The following BAZ2B variants were observed in gnomAD, a reference collection of about 807,000 sequenced individuals.
BAZ2B encodes the protein bromodomain adjacent to zinc finger domain 2B.
BAZ2B carries 91 observed loss-of-function variants against 246.0 expected under a neutral mutation model. The observed-to-expected ratio is 0.37, with a 90% confidence interval of 0.31 to 0.44. The LOEUF (loss-of-function observed/expected upper bound fraction) is 0.44. BAZ2B is among the 20% of genes least tolerant of loss of function. The pLI is 1.00. For synonymous variants in BAZ2B, 855 were observed against 860.0 expected (o/e 0.99, Z 0.10); for missense variants, 2,332 against 2,533.7 (o/e 0.92, Z 1.71).
chr2:159,551,559 G>A (rs2088255423), intron 2 of BAZ2B, among the ~76,000 whole-genome samples: 3 of 149,846 alleles, frequency 2.0e-5, no homozygotes, highest in South Asian at 4.2e-4. Flanking sequence ...ATAAAATATA[G>A]CCACTATAAT....
chr2:159,329,136 GAAAA>G (rs567964390), intron 34 of BAZ2B, among the ~76,000 whole-genome samples: 2 of 73,490 alleles, frequency 2.7e-5, no homozygotes. Flanking sequence ...GTCTTAATAG[GAAAA>G]AAAAAAAAAA....
At chr2:159,699,960 T>A in the BAZ2B span, among the ~76,000 whole-genome samples, 1 of 152,160 alleles carries the variant, frequency 6.6e-6, no homozygotes. Context: ...AGGAATGTTG[T>A]CTCTTAACAT....
At chr2:159,362,407 AATGC>A (rs2059809836) in intron 27 of BAZ2B, among the ~76,000 whole-genome samples, 1 of 152,140 alleles carries the variant, frequency 6.6e-6, no homozygotes, top group African/African-American at 2.4e-5. Context: ...TTCTCACACT[AATGC>A]ATACAGGGCA....
chr2:159,648,811 T>A, the BAZ2B span, among the ~76,000 whole-genome samples: 1 of 152,176 alleles, frequency 6.6e-6, no homozygotes, highest in Non-Finnish European at 1.5e-5. Flanking sequence ...ACTTATGTCA[T>A]TACATCTCCT....
At chr2:159,394,322 A>G (rs756099327) in intron 20 of BAZ2B, among the ~76,000 whole-genome samples, 2 of 152,108 alleles carry the variant, frequency 1.3e-5, no homozygotes, top group Non-Finnish European at 2.9e-5. Flanking sequence ...TACTGTTTCC[A>G]TAAGCGAATA....
At chr2:159,706,084 A>AACACAC in the BAZ2B span, among the ~76,000 whole-genome samples, 3 of 149,658 alleles carry the variant, frequency 2.0e-5, no homozygotes, top group Non-Finnish European at 3.0e-5. Context: ...AAACATATAT[A>AACACAC]ACACACACAC....
chr2:159,324,663 CA>C (rs1408388105), intron 36 of BAZ2B, 147 bp downstream of exon 36: 42 of 329,090 alleles, frequency 1.3e-4, no homozygotes, highest in African/African-American at 5.7e-4. Flanking sequence ...CACACACACA[CA>C]CACACACACA....
intron 3 of BAZ2B, chr2:159,459,548 CA>C (rs1355187586): frequency 1.3e-5 from 2 of 152,276 alleles, no homozygotes; most frequent in Admixed American, 6.5e-5. Flanking sequence ...ATTGCCAGGA[CA>C]ATGCCTTTAG....
chr2:159,459,858 G>C (rs1055994411), intron 3 of BAZ2B: 1 of 151,992 alleles, frequency 6.6e-6, no homozygotes, highest in Admixed American at 6.6e-5. Flanking sequence ...AACCTGTCTT[G>C]ATGAAAACTT....
At chr2:159,496,535 G>A (rs1427087158) in intron 2 of BAZ2B, among the ~76,000 whole-genome samples, 1 of 143,838 alleles carries the variant, frequency 7.0e-6, no homozygotes, top group Non-Finnish European at 1.5e-5. Context: ...CTTAATCCCA[G>A]CACTTTGGAG....
chr2:159,332,439 A>C, intron 34 of BAZ2B, 101 bp downstream of exon 34: 1 of 1,210,004 alleles, frequency 8.3e-7, no homozygotes, highest in Non-Finnish European at 1.1e-6. Flanking sequence ...GTGGGCTATG[A>C]TCATACCACT....
chr2:159,404,071 T>C (rs1209887754), intron 16 of BAZ2B, among the ~76,000 whole-genome samples: 1 of 152,134 alleles, frequency 6.6e-6, no homozygotes, highest in Non-Finnish European at 1.5e-5. Context: ...ATTTATATAG[T>C]AACATAATTG....
chr2:159,470,121 G>T (rs1288515675), intron 3 of BAZ2B, among the ~76,000 whole-genome samples: 1 of 152,174 alleles, frequency 6.6e-6, no homozygotes, highest in Admixed American at 6.5e-5. Context: ...TCCTTGAAAT[G>T]CAAGATTGGC....
chr2:159,325,313 T>C lies in BAZ2B; in HGVS notation c.6209+340A>G, dbSNP rs1290150841. Among the ~76,000 whole-genome samples the C allele has an allele frequency of 5.3e-5, 8 of 149,782 alleles. No individual in the cohort carries two copies. In the East Asian group the frequency reaches 9.9e-4, roughly 19 times the overall value. On this transcript the variant is annotated intron_variant, in intron 35 of 36. Transcript: ENST00000392783. The stretch of plus-strand genomic sequence containing the variant: ...ACCCAGCTAATTTTTGTATTTTTAG[T>C]AGAGACAGGGTTTCACCATGTTGGC...
intron 3 of BAZ2B, among the ~76,000 whole-genome samples, chr2:159,455,772 T>G (rs935525627): frequency 1.4e-4 from 21 of 145,580 alleles, no homozygotes; most frequent in African/African-American, 4.7e-4. Context: ...GGTTTTTTTT[T>G]TTTTTTTTTT....
intron 19 of BAZ2B, 44 bp from the exon 20 acceptor site, chr2:159,395,878 AACAG>A: frequency 6.6e-7 from 1 of 1,521,968 alleles, no homozygotes; most frequent in Admixed American, 2.0e-5. Context: ...AGCCACAATT[AACAG>A]TTTGATTTTC....
chr2:159,497,604 AT>A (rs2081299288), intron 2 of BAZ2B, among the ~76,000 whole-genome samples: 1 of 152,170 alleles, frequency 6.6e-6, no homozygotes, highest in Admixed American at 6.5e-5. Flanking sequence ...TGATATAAAC[AT>A]TTTCAATGAT....
intron 2 of BAZ2B, among the ~76,000 whole-genome samples, chr2:159,524,987 ACCAG>A (rs1251425199): frequency 6.6e-6 from 1 of 152,140 alleles, no homozygotes; most frequent in East Asian, 1.9e-4. Context: ...GGAGTTCCAG[ACCAG>A]CCAGAGCAAT....
chr2:159,371,330 G>A (rs1447048596), intron 27 of BAZ2B, among the ~76,000 whole-genome samples: 1 of 151,766 alleles, frequency 6.6e-6, no homozygotes, highest in African/African-American at 2.4e-5. Flanking sequence ...TTTTGCTAGA[G>A]ACGGGGCTTT....
Sources: allele counts gnomAD v4.1 joint callset (sites outside exome capture counted in the v4.1 genomes callset), GRCh38; gene constraint gnomAD v4.1.1; transcripts MANE v1.5; gene names NCBI Gene and HGNC (gene_info 2026-07-23, HGNC 2026-07-21).